The following RIMS2 variants were observed in gnomAD, a reference collection of about 807,000 sequenced individuals.
The protein encoded by RIMS2 is regulating synaptic membrane exocytosis 2.
Under a neutral mutation model 174.4 loss-of-function variants are expected in RIMS2, and 59 were observed. That is an observed-to-expected ratio of 0.34 (90% CI 0.27 to 0.42). The LOEUF is 0.42. Among genes scored for constraint, RIMS2 ranks in the 10% least tolerant of loss-of-function variants. The pLI is 1.00. For missense variants in RIMS2, 1,620 were observed against 1,666.3 expected (o/e 0.97, Z 0.48); for synonymous variants, 606 against 572.5 (o/e 1.06, Z -0.84).
At chr8:103,897,689 A>G (rs767957201) in intron 4 of RIMS2, among the ~76,000 whole-genome samples, 14 of 151,650 alleles carry the variant, frequency 9.2e-5, no homozygotes, top group Non-Finnish European at 1.3e-4. Flanking sequence ...CACCAGGGCT[A>G]AGAGCATACC....
chr8:103,671,773 A>T (rs2096746983), intron 1 of RIMS2, among the ~76,000 whole-genome samples: 2 of 152,212 alleles, frequency 1.3e-5, no homozygotes, highest in Admixed American at 6.5e-5. Flanking sequence ...ATTTCCTACC[A>T]AGATATAACA....
chr8:103,672,019 A>G (rs1447865621), intron 1 of RIMS2, among the ~76,000 whole-genome samples: 1 of 152,206 alleles, frequency 6.6e-6, no homozygotes, highest in Non-Finnish European at 1.5e-5. Context: ...TGGGAAACAT[A>G]TCAAATATGT....
chr8:103,682,632 T>C (rs1272785019), intron 1 of RIMS2, among the ~76,000 whole-genome samples: 7 of 152,150 alleles, frequency 4.6e-5, no homozygotes, highest in Non-Finnish European at 1.0e-4. Flanking sequence ...GAACGTCAAT[T>C]AACTCCTGAG....
chr8:104,133,615 T>C (rs2098492063), intron 19 of RIMS2, among the ~76,000 whole-genome samples: 1 of 152,178 alleles, frequency 6.6e-6, no homozygotes, highest in Non-Finnish European at 1.5e-5. Flanking sequence ...GTGGCTTCTA[T>C]GTGGAGAATG....
chr8:104,059,848 T>C (rs1321162712), intron 19 of RIMS2, among the ~76,000 whole-genome samples: 1 of 152,244 alleles, frequency 6.6e-6, no homozygotes, highest in Non-Finnish European at 1.5e-5. Context: ...TTGTCTTTTG[T>C]TCTGTTTATA....
chr8:103,506,834 A>G (rs1823913198), intron 1 of RIMS2, among the ~76,000 whole-genome samples: 1 of 152,166 alleles, frequency 6.6e-6, no homozygotes, highest in Non-Finnish European at 1.5e-5. Context: ...TAGTTTCCTC[A>G]GCAAATACCA....
At chr8:103,692,034 C>T (rs1258096862) in intron 1 of RIMS2, among the ~76,000 whole-genome samples, 1 of 152,130 alleles carries the variant, frequency 6.6e-6, no homozygotes, top group Non-Finnish European at 1.5e-5. Context: ...TCCTTATTCT[C>T]TCCCAAACAA....
chr8:104,112,278 ACCATT>A (rs2098199026), intron 19 of RIMS2, among the ~76,000 whole-genome samples: 2 of 152,132 alleles, frequency 1.3e-5, no homozygotes, highest in South Asian at 4.1e-4. Flanking sequence ...CAGAGTCTTC[ACCATT>A]TTATTTTAAT....
chr8:103,745,733 T>C (rs1386619664), intron 2 of RIMS2, among the ~76,000 whole-genome samples: 4 of 152,228 alleles, frequency 2.6e-5, no homozygotes, highest in Non-Finnish European at 4.4e-5. Flanking sequence ...CATTGAGCAT[T>C]ACTTCTTATG....
intron 1 of RIMS2, among the ~76,000 whole-genome samples, chr8:103,600,369 G>T (rs558173606): frequency 1.1e-4 from 17 of 151,998 alleles, no homozygotes; most frequent in African/African-American, 4.1e-4. Context: ...TCCTGGGTTC[G>T]AGCAATTATC....
At chr8:103,807,426 G>A (rs1179814381) in intron 3 of RIMS2, among the ~76,000 whole-genome samples, 1 of 152,066 alleles carries the variant, frequency 6.6e-6, no homozygotes, top group African/African-American at 2.4e-5. Flanking sequence ...AAATTGATTA[G>A]TATGGATTTA....
At chr8:104,156,702 A>G (rs1427744275) in intron 19 of RIMS2, among the ~76,000 whole-genome samples, 1 of 152,210 alleles carries the variant, frequency 6.6e-6, no homozygotes, top group Admixed American at 6.5e-5. Flanking sequence ...TGAGATTTTT[A>G]GAGATTTATA....
At chr8:103,910,733 T>C (rs1238154910) in intron 5 of RIMS2, among the ~76,000 whole-genome samples, 1 of 152,172 alleles carries the variant, frequency 6.6e-6, no homozygotes, top group African/African-American at 2.4e-5. Context: ...GCTGTTTTTA[T>C]TGTTTGACGG....
At chr8:103,540,494 G>C (rs533880224) in intron 1 of RIMS2, among the ~76,000 whole-genome samples, 3 of 152,256 alleles carry the variant, frequency 2.0e-5, no homozygotes, top group African/African-American at 7.2e-5. Flanking sequence ...AAGCACCCTT[G>C]TACCCCCACC....
chr8:103,676,935 G>C (rs1022736817), intron 1 of RIMS2, among the ~76,000 whole-genome samples: 1 of 152,216 alleles, frequency 6.6e-6, no homozygotes, highest in African/African-American at 2.4e-5. Flanking sequence ...AGTGAGCTGA[G>C]ATTGTGCCAG....
chr8:103,838,284 A>G (rs1195833613), intron 3 of RIMS2, among the ~76,000 whole-genome samples: 2 of 152,020 alleles, frequency 1.3e-5, no homozygotes, highest in Non-Finnish European at 2.9e-5. Context: ...TAGCATATCA[A>G]ATCCTTCACC....
intron 1 of RIMS2, among the ~76,000 whole-genome samples, chr8:103,561,552 T>TA (rs200272238): frequency 3.3e-5 from 5 of 151,964 alleles, no homozygotes; most frequent in African/African-American, 7.3e-5. Flanking sequence ...ATTTCTTGTT[T>TA]AAAAAAAACC....
intron 3 of RIMS2, among the ~76,000 whole-genome samples, chr8:103,844,973 T>C (rs913954744): frequency 6.6e-6 from 1 of 152,134 alleles, no homozygotes; most frequent in Non-Finnish European, 1.5e-5. Context: ...ATTTTCCAGC[T>C]CTTAATAGAC....
chr8:103,629,270 G>C (rs1222782657), intron 1 of RIMS2, among the ~76,000 whole-genome samples: 2 of 152,144 alleles, frequency 1.3e-5, no homozygotes, highest in African/African-American at 4.8e-5. Context: ...AGGGTTAGAG[G>C]GAAGAATTTT....
Sources: gnomAD v4.1 joint callset for allele counts (sites outside exome capture counted in the v4.1 genomes callset) on GRCh38, gnomAD v4.1.1 for gene constraint, MANE v1.5 for transcripts, NCBI Gene and HGNC (gene_info 2026-07-23, HGNC 2026-07-21) for gene names.